Variants in MAP3K20 observed in about 807,000 individuals in gnomAD.
MAP3K20 encodes the protein mitogen-activated protein kinase kinase kinase 20.
Under a neutral mutation model 85.7 loss-of-function variants are expected in MAP3K20, and 40 were observed. That is an observed-to-expected ratio of 0.47 (90% CI 0.36 to 0.61). MAP3K20 has a LOEUF of 0.61. Among genes scored for constraint, MAP3K20 ranks in the 20% least tolerant of loss-of-function variants. The pLI, the probability that MAP3K20 is intolerant of heterozygous loss-of-function variation, is 0.00. For synonymous variants in MAP3K20, 325 were observed against 327.7 expected, an observed-to-expected ratio of 0.99 and a Z score of 0.09; for missense variants, 817 against 961.7, an observed-to-expected ratio of 0.85 and a Z score of 1.99.
intron 17 of MAP3K20, among the ~76,000 whole-genome samples, chr2:173,259,549 T>C (rs538508224): frequency 7.2e-5 from 11 of 152,340 alleles, no homozygotes; most frequent in African/African-American, 2.6e-4. Flanking sequence ...TGTAATACAC[T>C]ATTCACCAGG....
chr2:173,156,146 G>C (rs1404834425), intron 2 of MAP3K20, among the ~76,000 whole-genome samples: 1 of 152,228 alleles, frequency 6.6e-6, no homozygotes, highest in East Asian at 1.9e-4. Context: ...ATGTAAGCCA[G>C]TGCTAAGGAT....
Position 173,255,824 on chromosome 2 carries a change from T to A in MAP3K20, c.1360-2875T>A, listed in dbSNP as rs564810104. On this transcript the variant is annotated intron_variant, in intron 16 of 19. Coordinates refer to ENST00000375213, the MANE Select transcript of MAP3K20 (RefSeq NM_016653.3). ...AAGTAAACTCATCTCTTCTAAGGCT[T>A]TTTATCCCAGCTGCTGCCTTGAGGA... Among the ~76,000 whole-genome samples the A allele has an allele frequency of 3.3e-5, 5 of 152,246 alleles. No individual in the cohort carries two copies. In the South Asian group the frequency reaches 1.0e-3, roughly 32 times the overall value.
At chr2:173,152,258 A>C (rs147010190) in intron 2 of MAP3K20, among the ~76,000 whole-genome samples, 1 of 152,168 alleles carries the variant, frequency 6.6e-6, no homozygotes, top group African/African-American at 2.4e-5. Context: ...CCAGGTTTAT[A>C]TTTGTTTACA....
intron 19 of MAP3K20, 128 bp downstream of exon 19, chr2:173,264,023 G>A (rs1685355689): frequency 9.8e-6 from 13 of 1,322,016 alleles, no homozygotes; most frequent in Non-Finnish European, 1.3e-5. Flanking sequence ...GCTTCGAGTA[G>A]CAGAAAACCC....
intron 11 of MAP3K20, 138 bp downstream of exon 11, chr2:173,217,388 C>T: frequency 1.1e-5 from 11 of 1,024,574 alleles, no homozygotes; most frequent in Non-Finnish European, 1.4e-5. Context: ...ATTAAAGGGC[C>T]CGCGTGTGGA....
intron 2 of MAP3K20, among the ~76,000 whole-genome samples, chr2:173,126,825 A>G (rs979271178): frequency 1.3e-5 from 2 of 152,216 alleles, no homozygotes; most frequent in Admixed American, 1.3e-4. Context: ...CAAGCCAGAC[A>G]TTCTGTAGGC....
At chr2:173,187,489 C>T in intron 4 of MAP3K20, 69 bp from the exon 5 acceptor site, 6 of 1,342,294 alleles carry the variant, frequency 4.5e-6, no homozygotes, top group Non-Finnish European at 6.2e-6. Context: ...CTTTGAAAAA[C>T]TATGAAAGGT....
Position 173,198,101 on chromosome 2 carries a change from GA to G in MAP3K20, c.665del (p.Asn222ThrfsTer4). ...ATTACAAGTAGCTTGGCTTGTAGTG[GA>G]AAAAAACGAGGTAAGACTACGTTTC... Reference protein sequence around the residue: ...EGLQVAWLVVEKNERLTIPSS... With the variant: ...EGLQVAWLVVXKNERLTIPSS... On this transcript the variant is annotated frameshift_variant, in exon 8 of 20. Transcript: ENST00000375213. LOFTEE classifies it high-confidence loss of function. The surrounding 1 kb of genome is among the most constrained non-coding windows in gnomAD (Gnocchi z 5.8). 3 of 1,612,250 alleles carry G rather than the reference GA, an allele frequency of 1.9e-6. No homozygotes were observed. The highest frequency in any genetic ancestry group is 2.5e-6 in the Non-Finnish European group (3 of 1,178,980).
chr2:173,265,997 G>C (rs2106360862), intron 19 of MAP3K20, 53 bp from the exon 20 acceptor site: 1 of 1,503,256 alleles, frequency 6.7e-7, no homozygotes, highest in Non-Finnish European at 9.0e-7. Flanking sequence ...GTATGAATTA[G>C]ACATGCAGCT....
intron 11 of MAP3K20, chr2:173,224,463 A>G: frequency 1.0e-6 from 1 of 985,442 alleles, no homozygotes; most frequent in Non-Finnish European, 1.2e-6. Flanking sequence ...GAAAAATAAC[A>G]GGACTCTGTA....
chr2:173,225,678 G>C, intron 11 of MAP3K20: 2 of 984,182 alleles, frequency 2.0e-6, no homozygotes, highest in Non-Finnish European at 2.4e-6. Context: ...AAGCTTTAGA[G>C]TTTCGTCTCT....
intron 2 of MAP3K20, among the ~76,000 whole-genome samples, chr2:173,102,633 A>G (rs934445792): frequency 6.6e-6 from 1 of 152,342 alleles, no homozygotes; most frequent in East Asian, 1.9e-4. Context: ...TTAGAGAAGC[A>G]GCACTGGTAA....
At chr2:173,261,530 G>A (rs771401652) in intron 18 of MAP3K20, among the ~76,000 whole-genome samples, 1 of 152,112 alleles carries the variant, frequency 6.6e-6, no homozygotes, top group African/African-American at 2.4e-5. Context: ...GGGAGTGGGT[G>A]GAAGGCAACA....
chr2:173,078,648 C>A (rs941545744), intron 1 of MAP3K20, among the ~76,000 whole-genome samples: 1 of 152,194 alleles, frequency 6.6e-6, no homozygotes, highest in Non-Finnish European at 1.5e-5. Context: ...GTAGAAGAAT[C>A]TGTGAGAACA....
At chr2:173,172,963 A>T (rs1414467056) in intron 3 of MAP3K20, among the ~76,000 whole-genome samples, 1 of 151,760 alleles carries the variant, frequency 6.6e-6, no homozygotes, top group East Asian at 1.9e-4. Flanking sequence ...ATGCCCAGCT[A>T]ATTTTTGTAT....
chr2:173,245,137 C>T (rs1684883941), intron 16 of MAP3K20, among the ~76,000 whole-genome samples: 1 of 152,110 alleles, frequency 6.6e-6, no homozygotes, highest in Non-Finnish European at 1.5e-5. Flanking sequence ...ACTAACTACC[C>T]CTTAAAATTA....
intron 2 of MAP3K20, among the ~76,000 whole-genome samples, chr2:173,121,542 A>T (rs1484464825): frequency 6.6e-6 from 1 of 151,764 alleles, no homozygotes; most frequent in East Asian, 1.9e-4. Context: ...GCCCGCCACC[A>T]CGCCCGGCTA....
rs535048440 is a variant in MAP3K20 at position 173,209,653 on chromosome 2, T to C, written c.745-76T>C. The C allele has an allele frequency of 2.5e-6, 3 of 1,210,324 alleles. No individual in the cohort carries two copies. In the African/African-American group the frequency reaches 4.6e-5, roughly 18 times the overall value. The allele number at this position is 1,210,324 out of a possible 1,614,324, so 75.0% of individuals were successfully genotyped here. On this transcript the variant is annotated intron_variant, in intron 9 of 19. Transcript: ENST00000375213. ...GGTGGGTTGAGTTTATTACTATGCTTGTAGTATCTACGTTTTCTCTTAAAT... is the reference window on the plus strand; with the variant it reads ...GGTGGGTTGAGTTTATTACTATGCTCGTAGTATCTACGTTTTCTCTTAAAT...
chr2:173,147,968 G>C (rs1201963550), intron 2 of MAP3K20, among the ~76,000 whole-genome samples: 1 of 152,186 alleles, frequency 6.6e-6, no homozygotes, highest in Non-Finnish European at 1.5e-5. Flanking sequence ...AAAGTTGTCT[G>C]ATTTTGTTTG....
Sources: allele counts gnomAD v4.1 joint callset (sites outside exome capture counted in the v4.1 genomes callset), GRCh38; gene constraint gnomAD v4.1.1; non-coding constraint Gnocchi (gnomAD v3.1); transcripts MANE v1.5; gene names NCBI Gene and HGNC (gene_info 2026-07-23, HGNC 2026-07-21).